The following ICA1 variants were observed in gnomAD, a reference collection of about 807,000 sequenced individuals.
ICA1 encodes 69 kDa islet cell autoantigen.
A neutral mutation model predicts 71.0 loss-of-function variants in ICA1; 40 were observed. The observed-to-expected ratio is 0.56, with a 90% confidence interval of 0.44 to 0.73. ICA1 has a LOEUF of 0.73. ICA1 is among the 30% of genes least tolerant of loss of function. The probability of loss-of-function intolerance (pLI) is 0.00; values close to 1 mark genes in which losing one functional copy is unlikely to be tolerated. For synonymous variants in ICA1, 207 were observed against 209.5 expected (o/e 0.99, Z 0.10); for missense variants, 578 against 576.5 (o/e 1.00, Z -0.03).
chr7:8,213,407 C>T (rs1794445450), intron 6 of ICA1, among the ~76,000 whole-genome samples: 1 of 152,178 alleles, frequency 6.6e-6, no homozygotes, highest in East Asian at 1.9e-4. Flanking sequence ...CAACACAACT[C>T]ACTGGCATAG....
chr7:8,114,153 G>C lies in ICA1; in HGVS notation c.1331-109C>G, dbSNP rs1263584775. On this transcript the variant is annotated intron_variant, in intron 13 of 13. Coordinates refer to ENST00000402384, the MANE Select transcript of ICA1 (RefSeq NM_001136020.3). ...TCTTCAAATGCAGATTGTTCAATCAGACAAATCCCTTTGCACTCTCTCTGA... is the reference window on the plus strand; with the variant it reads ...TCTTCAAATGCAGATTGTTCAATCACACAAATCCCTTTGCACTCTCTCTGA... 4 of 1,219,478 alleles carry C rather than the reference G, an allele frequency of 3.3e-6. No individual in the cohort carries two copies. In the Admixed American group the frequency reaches 5.4e-5, roughly 16 times the overall value. The allele number at this position is 1,219,478 out of a possible 1,614,324, so 75.5% of individuals were successfully genotyped here. A position where few individuals can be genotyped will look rare whatever the true frequency, so the allele number is the denominator to read the frequency against.
chr7:8,198,026 G>C (rs1420695075), intron 6 of ICA1, among the ~76,000 whole-genome samples: 1 of 152,110 alleles, frequency 6.6e-6, no homozygotes, highest in Non-Finnish European at 1.5e-5. Context: ...ACTTTCTTTT[G>C]AAAATTAAAA....
At chr7:8,141,382 G>T (rs1265061587) in intron 10 of ICA1, among the ~76,000 whole-genome samples, 1 of 152,130 alleles carries the variant, frequency 6.6e-6, no homozygotes, top group Admixed American at 6.6e-5. Context: ...CACACATACC[G>T]CAAATCCACC....
In ICA1 at chr7:8,113,504, G is replaced by A. The variant is rs1783807491; in HGVS notation, c.*419C>T. On this transcript the variant is annotated 3_prime_UTR_variant, in exon 14 of 14. Coordinates refer to ENST00000402384, the MANE Select transcript of ICA1 (RefSeq NM_001136020.3). This position sits in a 1 kb window ranked among gnomAD's most constrained non-coding sequence, Gnocchi z 4.2. ...CTTCCTACAGCCCTCCTCCAAGGGG[G>A]ACAGAGGCTGGGGGCAGAGAAGGAG... 1 of 161,902 alleles carries A rather than the reference G, an allele frequency of 6.2e-6. No individual in the cohort carries two copies. Among genetic ancestry groups the A allele is most frequent in the Admixed American group, 6.0e-5 (1 of 16,734 alleles). 10.0% of individuals were successfully genotyped at this position (161,902 alleles called of 1,614,324 possible). A position where few individuals can be genotyped will look rare whatever the true frequency, so the allele number is the denominator to read the frequency against.
chr7:8,221,425 C>T (rs775049299), intron 4 of ICA1, 27 bp from the exon 5 acceptor site: 5 of 1,611,034 alleles, frequency 3.1e-6, no homozygotes, highest in African/African-American at 1.3e-5. Context: ...CAAAAGGAGC[C>T]ATGAACAATG....
chr7:8,233,944 C>T (rs780709935), intron 2 of ICA1, among the ~76,000 whole-genome samples: 4 of 152,102 alleles, frequency 2.6e-5, no homozygotes, highest in South Asian at 2.1e-4. Flanking sequence ...AGAAACTGGC[C>T]GGGCATGGTG....
At chr7:8,141,968 CA>C (rs1795405874) in intron 9 of ICA1, 151 bp from the exon 10 acceptor site, 4 of 1,506,556 alleles carry the variant, frequency 2.7e-6, no homozygotes, top group Non-Finnish European at 3.6e-6. Flanking sequence ...TAGTCATTTA[CA>C]TGCCAATTTG....
intron 6 of ICA1, among the ~76,000 whole-genome samples, chr7:8,159,944 T>C (rs2348897): frequency 0.026 from 3,953 of 152,222 alleles, 130 homozygotes; most frequent in African/African-American, 0.084. Flanking sequence ...AAGTTATAGA[T>C]ACTAGATAGG....
At chr7:8,191,334 T>A (rs1785548414) in intron 6 of ICA1, among the ~76,000 whole-genome samples, 2 of 152,218 alleles carry the variant, frequency 1.3e-5, no homozygotes, top group Non-Finnish European at 2.9e-5. Flanking sequence ...TTTATGATTG[T>A]TTGACTTAGA....
intron 6 of ICA1, among the ~76,000 whole-genome samples, chr7:8,170,348 C>G (rs1397659309): frequency 5.3e-5 from 8 of 151,930 alleles, no homozygotes; most frequent in Non-Finnish European, 1.2e-4. Flanking sequence ...CTATACAAAT[C>G]TTAGGGTCAG....
chr7:8,132,913 A>T lies in ICA1; in HGVS notation c.1061-4771T>A, dbSNP rs1792010435. 6.6e-6 allele frequency among the ~76,000 whole-genome samples: 1 copy of T among 152,102 alleles called. No homozygotes were observed. Among genetic ancestry groups the T allele is most frequent in the Non-Finnish European group, 1.5e-5 (1 of 68,008 alleles). On this transcript the variant is annotated intron_variant, in intron 12 of 13. Transcript: ENST00000402384. This position sits in a 1 kb window ranked among gnomAD's most constrained non-coding sequence, Gnocchi z 4.5. Reference sequence around the variant, plus strand: ...GAAGCTGCTGGTGCTCCATAGAGGAACCCTCTTACTGTGTATCTTTGCTTA... The same window carrying T: ...GAAGCTGCTGGTGCTCCATAGAGGATCCCTCTTACTGTGTATCTTTGCTTA...
chr7:8,185,606 C>A (rs949633961), intron 6 of ICA1, among the ~76,000 whole-genome samples: 1 of 152,216 alleles, frequency 6.6e-6, no homozygotes, highest in African/African-American at 2.4e-5. Context: ...CATACTTAAT[C>A]TTAAGAACCA....
At chr7:8,164,364 A>G (rs936932426) in intron 6 of ICA1, among the ~76,000 whole-genome samples, 1 of 150,146 alleles carries the variant, frequency 6.7e-6, no homozygotes, top group African/African-American at 2.4e-5. Flanking sequence ...AGATGTTAGT[A>G]GTTTAGATTT....
chr7:8,246,818 C>T (rs1806198088), intron 1 of ICA1, among the ~76,000 whole-genome samples: 1 of 152,186 alleles, frequency 6.6e-6, no homozygotes, highest in African/African-American at 2.4e-5. Flanking sequence ...GCGATCTCGG[C>T]TCACCACAAC....
intron 6 of ICA1, among the ~76,000 whole-genome samples, chr7:8,179,751 G>T (rs977683041): frequency 6.6e-6 from 1 of 151,736 alleles, no homozygotes; most frequent in Non-Finnish European, 1.5e-5. Flanking sequence ...GAGGAAGGGA[G>T]AACTTTTTTT....
At chr7:8,247,922 T>C (rs1226220097) in intron 1 of ICA1, among the ~76,000 whole-genome samples, 1 of 152,188 alleles carries the variant, frequency 6.6e-6, no homozygotes, top group Non-Finnish European at 1.5e-5. Flanking sequence ...CCCACAAAAT[T>C]TGACCAGTTT....
chr7:8,211,214 T>A (rs996419583), intron 6 of ICA1, among the ~76,000 whole-genome samples: 4 of 152,204 alleles, frequency 2.6e-5, no homozygotes, highest in Non-Finnish European at 5.9e-5. Flanking sequence ...GATGTTAATT[T>A]TTTTTTTCCC....
At chr7:8,171,927 T>C (rs772729627) in intron 6 of ICA1, among the ~76,000 whole-genome samples, 4 of 151,998 alleles carry the variant, frequency 2.6e-5, no homozygotes, top group Non-Finnish European at 4.4e-5. Context: ...AGATATATAT[T>C]TGTTACTGAT....
intron 6 of ICA1, among the ~76,000 whole-genome samples, chr7:8,174,774 A>ACAAAAAACC (rs1390483609): frequency 6.7e-6 from 1 of 149,662 alleles, no homozygotes; most frequent in East Asian, 2.0e-4. Context: ...AAAAAAAAAA[A>ACAAAAAACC]AAAAACAGAG....
Sources: gnomAD v4.1 joint callset for allele counts (sites outside exome capture counted in the v4.1 genomes callset) on GRCh38, gnomAD v4.1.1 for gene constraint, Gnocchi (gnomAD v3.1) non-coding constraint, MANE v1.5 for transcripts, NCBI Gene and HGNC (gene_info 2026-07-23, HGNC 2026-07-21) for gene names.